The following TRIM58 variants were observed in gnomAD, a reference collection of about 807,000 sequenced individuals.
The protein encoded by TRIM58 is E3 ubiquitin-protein ligase TRIM58.
A neutral mutation model predicts 34.1 loss-of-function variants in TRIM58; 38 were observed. The observed-to-expected ratio is 1.12, with a 90% CI of 0.86 to 1.46. TRIM58 has a LOEUF of 1.46. TRIM58 is among the 40% of genes most tolerant of loss of function. The pLI is 0.00. For missense variants in TRIM58, 677 were observed against 642.0 expected, an observed-to-expected ratio of 1.05 and a Z score of -0.59; for synonymous variants, 273 against 275.7, an observed-to-expected ratio of 0.99 and a Z score of 0.10.
chr1:247,869,301 C>T (rs1007361827), intron 5 of TRIM58, among the ~76,000 whole-genome samples: 10 of 152,028 alleles, frequency 6.6e-5, no homozygotes, highest in Non-Finnish European at 5.9e-5. Context: ...GCCCCTCTCC[C>T]TCTTCAGAGG....
intron 2 of TRIM58, among the ~76,000 whole-genome samples, chr1:247,863,146 A>G (rs1663834675): frequency 6.6e-6 from 1 of 152,234 alleles, no homozygotes; most frequent in East Asian, 1.9e-4. Context: ...GGAGGTAGAG[A>G]TGGAAAATGG....
At chr1:247,859,998 T>G (rs1663749026) in intron 1 of TRIM58, among the ~76,000 whole-genome samples, 2 of 152,198 alleles carry the variant, frequency 1.3e-5, no homozygotes, top group South Asian at 2.1e-4. Flanking sequence ...CATTGGACAT[T>G]ATCATTGTAT....
Position 247,879,423 on chromosome 1 carries a change from C to T in TRIM58, c.*2934C>T, listed in dbSNP as rs960943815. On this transcript the variant is annotated 3_prime_UTR_variant, in exon 6 of 6. Coordinates refer to ENST00000366481, the MANE Select transcript of TRIM58 (RefSeq NM_015431.4). ...AGTGGTCCTGCTTGGGCTCTAGGCC[C>T]TTCCACTCCCATTCTCTCTACAGCA... Among the ~76,000 whole-genome samples, 1 of 152,162 alleles carries T rather than the reference C, an allele frequency of 6.6e-6. No individual in the cohort carries two copies. Among genetic ancestry groups the T allele is most frequent in the Non-Finnish European group, 1.5e-5 (1 of 68,036 alleles).
At chr1:247,863,835 T>C (rs1000253599) in intron 2 of TRIM58, among the ~76,000 whole-genome samples, 2 of 152,180 alleles carry the variant, frequency 1.3e-5, no homozygotes, top group African/African-American at 2.4e-5. Flanking sequence ...CAGGTAGAAA[T>C]TGGGATTAAT....
chr1:247,874,628 A>G (rs796644178), intron 5 of TRIM58, among the ~76,000 whole-genome samples: 17 of 152,340 alleles, frequency 1.1e-4, no homozygotes, highest in African/African-American at 4.1e-4. Flanking sequence ...TATATGGGTC[A>G]AATGTCTCAT....
chr1:247,865,676 A>G (rs1270262834), intron 3 of TRIM58, among the ~76,000 whole-genome samples: 1 of 152,212 alleles, frequency 6.6e-6, no homozygotes, highest in Non-Finnish European at 1.5e-5. Context: ...GAGTGAAAGG[A>G]AATCTTTGTT....
At chr1:247,861,180 C>G (rs1329894298) in intron 2 of TRIM58, among the ~76,000 whole-genome samples, 1 of 151,764 alleles carries the variant, frequency 6.6e-6, no homozygotes, top group African/African-American at 2.4e-5. Flanking sequence ...TTTTTTTATA[C>G]CTCACTAGCT....
chr1:247,866,014 T>A (rs1572573457), intron 3 of TRIM58, among the ~76,000 whole-genome samples: 1 of 152,176 alleles, frequency 6.6e-6, no homozygotes, highest in East Asian at 1.9e-4. Context: ...TTAGATGAAT[T>A]TATAAAGCCA....
chr1:247,862,906 G>A (rs771524519), intron 2 of TRIM58, among the ~76,000 whole-genome samples: 32 of 152,056 alleles, frequency 2.1e-4, no homozygotes, highest in African/African-American at 7.7e-4. Flanking sequence ...CAGGCAAATC[G>A]CTTCCCACCT....
rs1659335937 is a variant in TRIM58, at chr1:247,878,300, A to G, written c.*1811A>G. The stretch of plus-strand genomic sequence containing the variant: ...AAATTATTTAACATTATCTGATAAT[A>G]ATCTGCAGAAGGTTTAATTTTCCTC... On this transcript the variant is annotated 3_prime_UTR_variant, in exon 6 of 6. Coordinates refer to ENST00000366481, the MANE Select transcript of TRIM58 (RefSeq NM_015431.4). 1 of 152,228 alleles carries G rather than the reference A, an allele frequency of 6.6e-6. No individual in the cohort carries two copies. Among genetic ancestry groups the G allele is most frequent in the East Asian group, 1.9e-4 (1 of 5,206 alleles). The allele number at this position is 152,228 out of a possible 1,614,324, so 9.4% of individuals were successfully genotyped here.
chr1:247,876,145 A>G lies in TRIM58; in HGVS notation c.1117A>G (p.Thr373Ala). The G allele has an allele frequency of 1.2e-6, 2 of 1,614,120 alleles. No homozygotes were observed. Among genetic ancestry groups the G allele is most frequent in the Non-Finnish European group, 8.5e-7 (1 of 1,180,002 alleles). Residue 373 changes from threonine to alanine, a missense_variant, in exon 6 of 6, where the codon ACC becomes GCC. Coordinates refer to ENST00000366481, the MANE Select transcript of TRIM58 (RefSeq NM_015431.4). Reference protein sequence around the residue: ...CQDTLPRKGETTPSPENGVWA... With the variant: ...CQDTLPRKGEATPSPENGVWA... ...AGACACACTGCCAAGAAAGGGGGAA[A>G]CCACGCCATCTCCTGAGAATGGGGT...
At chr1:247,861,359 T>C (rs72772793) in intron 2 of TRIM58, among the ~76,000 whole-genome samples, 9,131 of 152,132 alleles carry the variant, frequency 0.06, 372 homozygotes, top group East Asian at 0.2. Flanking sequence ...GGAGATGATA[T>C]TTTTGGATGT....
intron 5 of TRIM58, 54 bp from the exon 6 acceptor site, chr1:247,875,846 G>A: frequency 6.7e-7 from 1 of 1,499,978 alleles, no homozygotes; most frequent in South Asian, 1.3e-5. Flanking sequence ...GGTTTCCTAA[G>A]TTTCTACCAG....
At position 247,878,527 on chromosome 1, in the gene TRIM58, T is replaced by C. The variant is rs1048242862; in HGVS notation, c.*2038T>C. Among the ~76,000 whole-genome samples, 2 of 152,226 alleles carry C rather than the reference T, an allele frequency of 1.3e-5. No individual in the cohort carries two copies. Among genetic ancestry groups the C allele is most frequent in the Admixed American group, 1.3e-4 (2 of 15,280 alleles). The stretch of plus-strand genomic sequence containing the variant: ...ATCCTCGTGTCCCTCTTCTTGGTGT[T>C]CCACAGGCCATGTGTGCCCTAGCCC... On this transcript the variant is annotated 3_prime_UTR_variant, in exon 6 of 6. Coordinates refer to ENST00000366481, the MANE Select transcript of TRIM58 (RefSeq NM_015431.4).
intron 1 of TRIM58, among the ~76,000 whole-genome samples, chr1:247,858,752 C>CTTTTTTT (rs386370399): frequency 6.8e-5 from 6 of 87,856 alleles, no homozygotes; most frequent in Non-Finnish European, 9.8e-5. Context: ...TTGGTAGTAA[C>CTTTTTTT]TTTTTTTTTT....
At chr1:247,863,290 A>G (rs1663840210) in intron 2 of TRIM58, among the ~76,000 whole-genome samples, 1 of 152,226 alleles carries the variant, frequency 6.6e-6, no homozygotes, top group Admixed American at 6.5e-5. Flanking sequence ...CTGTAATCCC[A>G]GCACTTTGGG....
In TRIM58 at chr1:247,864,852, C is replaced by G; in HGVS notation, c.664C>G (p.Leu222Val). ...LQRLRESKSRLVQQSKALKEL... is the reference protein window; with the variant it reads ...LQRLRESKSRVVQQSKALKEL... The stretch of plus-strand genomic sequence containing the variant: ...GAGACTGCGGGAGAGCAAGAGCCGG[C>G]TGGTCCAGCAGAGCAAGGCCCTGAA... The change falls in exon 3 of 6, where the codon CTG (leucine) becomes GTG (valine). Residue 222 changes from leucine to valine, a missense_variant. By Grantham distance (32) the Leu-to-Val change is conservative (BLOSUM62 1). Coordinates refer to ENST00000366481, the MANE Select transcript of TRIM58 (RefSeq NM_015431.4). The G allele has an allele frequency of 6.2e-7, 1 of 1,612,482 alleles. No homozygotes were observed. The highest frequency in any genetic ancestry group is 1.1e-5 in the South Asian group (1 of 90,834).
intron 3 of TRIM58, 145 bp downstream of exon 3, chr1:247,865,080 C>G (rs927257253): frequency 4.2e-6 from 3 of 713,436 alleles, no homozygotes; most frequent in African/African-American, 3.6e-5. Flanking sequence ...AGCTTAAACA[C>G]CCTAGAATTT....
intron 5 of TRIM58, among the ~76,000 whole-genome samples, chr1:247,872,410 AT>A (rs1425202747): frequency 2.6e-5 from 4 of 152,268 alleles, no homozygotes; most frequent in African/African-American, 9.6e-5. Flanking sequence ...TTGCTGTTGG[AT>A]TATATATGAT....
Sources: allele counts gnomAD v4.1 joint callset (sites outside exome capture counted in the v4.1 genomes callset), GRCh38; gene constraint gnomAD v4.1.1; transcripts MANE v1.5; gene names NCBI Gene and HGNC (gene_info 2026-07-23, HGNC 2026-07-21).